Variants in AFDN observed in about 807,000 individuals in gnomAD.
The protein encoded by AFDN is afadin.
A neutral mutation model predicts 216.6 loss-of-function variants in AFDN; 68 were observed. That is an observed-to-expected ratio of 0.31 (90% CI 0.26 to 0.38). The LOEUF (loss-of-function observed/expected upper bound fraction) is 0.38, where lower values mean the gene tolerates loss of function less well. AFDN is among the 10% of genes least tolerant of loss of function. The probability of loss-of-function intolerance (pLI) is 1.00; values close to 1 mark genes in which losing one functional copy is unlikely to be tolerated. For missense variants in AFDN, 2,136 were observed against 2,342.0 expected (o/e 0.91, Z 1.82); for synonymous variants, 868 against 853.7 (o/e 1.02, Z -0.29).
chr6:167,966,318 G>T (rs1172345905), intron 32 of AFDN: 8 of 1,403,030 alleles, frequency 5.7e-6, no homozygotes, highest in Non-Finnish European at 1.9e-6. Context: ...TTAATGATTG[G>T]AACCTCAGCA....
In AFDN at chr6:167,943,491, T is replaced by C; in HGVS notation, c.3239+16T>C. The C allele has an allele frequency of 6.2e-7, 1 of 1,600,208 alleles. No homozygotes were observed. Among genetic ancestry groups the C allele is most frequent in the South Asian group, 1.1e-5 (1 of 90,792 alleles). ...CTCAGGAAAGGTATCATTGATTTAT[T>C]TGCTTGAAGCATAGTATTAGCATTT... On this transcript the variant is annotated intron_variant, in intron 25 of 33. Coordinates refer to ENST00000683244, the MANE Select transcript of AFDN (RefSeq NM_001386888.1).
intron 4 of AFDN, among the ~76,000 whole-genome samples, chr6:167,873,956 A>C (rs561828247): frequency 2.2e-4 from 34 of 152,370 alleles, no homozygotes; most frequent in Admixed American, 2.2e-3. Context: ...TTAGATATGA[A>C]TCTACTAGAC....
intron 23 of AFDN, among the ~76,000 whole-genome samples, chr6:167,942,012 A>G (rs1196490114): frequency 1.3e-5 from 2 of 152,184 alleles, no homozygotes; most frequent in African/African-American, 4.8e-5. Flanking sequence ...TTAAAATGAG[A>G]TATGTAATGG....
chr6:167,830,061 G>A (rs1779655769), intron 1 of AFDN, among the ~76,000 whole-genome samples: 1 of 152,290 alleles, frequency 6.6e-6, no homozygotes, highest in South Asian at 2.1e-4. Flanking sequence ...GGAGATTGAT[G>A]CTAAGCTGAC....
intron 8 of AFDN, among the ~76,000 whole-genome samples, chr6:167,891,408 GGT>G (rs71004178): frequency 0.012 from 858 of 72,082 alleles, 7 homozygotes; most frequent in South Asian, 0.047. Context: ...TAAAGGGGTG[GGT>G]GTGTGTGTGT....
rs1433713981 is a variant in AFDN at position 167,951,074 on chromosome 6, T to A, written c.3832-112T>A. On this transcript the variant is annotated intron_variant, in intron 29 of 33. Coordinates refer to ENST00000683244, the MANE Select transcript of AFDN (RefSeq NM_001386888.1). The surrounding 1 kb of genome is among the most constrained non-coding windows in gnomAD (Gnocchi z 7.1). ...AGCCTTGTAGGGCAGTCTCAGTCTCTTTCTGTACACTGATTTAACAGTTTT... is the reference window on the plus strand; with the variant it reads ...AGCCTTGTAGGGCAGTCTCAGTCTCATTCTGTACACTGATTTAACAGTTTT... 1.4e-6 allele frequency: 2 copies of A among 1,409,436 alleles called. No homozygotes were observed. Among genetic ancestry groups the A allele is most frequent in the African/African-American group, 2.9e-5 (2 of 69,072 alleles). The allele number at this position is 1,409,436 out of a possible 1,614,324, so 87.3% of individuals were successfully genotyped here. A position where few individuals can be genotyped will look rare whatever the true frequency, so the allele number is the denominator to read the frequency against.
intron 1 of AFDN, among the ~76,000 whole-genome samples, chr6:167,836,528 A>C (rs1780455532): frequency 6.6e-6 from 1 of 152,028 alleles, no homozygotes; most frequent in Non-Finnish European, 1.5e-5. Flanking sequence ...TAATATGTGG[A>C]TATATTAAAA....
At chr6:167,904,106 T>G (rs905035986) in intron 12 of AFDN, among the ~76,000 whole-genome samples, 2 of 152,218 alleles carry the variant, frequency 1.3e-5, no homozygotes, top group African/African-American at 2.4e-5. Flanking sequence ...GCATCTTTCC[T>G]AGGTGAGCTT....
Position 167,907,272 on chromosome 6 carries a change from T to C in AFDN, c.1752T>C (p.Tyr584=), listed in dbSNP as rs2128435452. 1 of 1,614,002 alleles carries C rather than the reference T, an allele frequency of 6.2e-7. No individual in the cohort carries two copies. The highest frequency in any genetic ancestry group is 1.7e-4 in the Middle Eastern group (1 of 6,060). The part of the protein sequence containing the change: ...PMIRVEQQPD[Y]RRQESRTQDA... ...TCAGAGTAGAACAGCAGCCAGATTA[T>C]CGCAGGCAAGAAAGCAGGTAGGAAA... is the stretch of plus-strand genomic sequence containing the variant. The change falls in exon 13 of 34, where the codon TAT becomes TAC. Residue 584 remains tyrosine (Y), a synonymous_variant. Coordinates refer to ENST00000683244, the MANE Select transcript of AFDN (RefSeq NM_001386888.1).
chr6:167,926,229 C>CT (rs1346481061), intron 23 of AFDN, among the ~76,000 whole-genome samples: 3 of 152,166 alleles, frequency 2.0e-5, no homozygotes, highest in Non-Finnish European at 4.4e-5. Context: ...CTCAGCTGCT[C>CT]TAATTTGTGA....
intron 11 of AFDN, among the ~76,000 whole-genome samples, chr6:167,901,422 A>G (rs1462190516): frequency 6.6e-6 from 1 of 152,186 alleles, no homozygotes; most frequent in Non-Finnish European, 1.5e-5. Context: ...TTCAATCTTC[A>G]TAATGAGATT....
chr6:167,875,061 T>G (rs940213729), intron 4 of AFDN, among the ~76,000 whole-genome samples: 2 of 152,196 alleles, frequency 1.3e-5, no homozygotes, highest in African/African-American at 4.8e-5. Context: ...AATCAATATA[T>G]TTTTCTTTTA....
chr6:167,960,762 TTC>T (rs1162679675), intron 30 of AFDN, among the ~76,000 whole-genome samples: 1 of 152,178 alleles, frequency 6.6e-6, no homozygotes, highest in Non-Finnish European at 1.5e-5. Context: ...CTGTGGCTGG[TTC>T]TGTCAACTCA....
chr6:167,892,328 T>C (rs1787716049), intron 8 of AFDN, among the ~76,000 whole-genome samples: 1 of 152,228 alleles, frequency 6.6e-6, no homozygotes, highest in Admixed American at 6.5e-5. Context: ...TGTGTGTCTA[T>C]AATGTGTGTG....
intron 8 of AFDN, among the ~76,000 whole-genome samples, chr6:167,891,450 T>TGTGTGTGTGTGTGTGTGG (rs1246107187): frequency 6.7e-6 from 1 of 150,146 alleles, no homozygotes; most frequent in Non-Finnish European, 1.5e-5. Context: ...TGTGTGTGTG[T>TGTGTGTGTGTGTGTGTGG]GGCTGTTGTT....
At chr6:167,901,950 G>A (rs936729632) in intron 11 of AFDN, among the ~76,000 whole-genome samples, 5 of 151,872 alleles carry the variant, frequency 3.3e-5, no homozygotes, top group Admixed American at 6.6e-5. Context: ...ATAATTAGCC[G>A]GGCATGGTGG....
chr6:167,880,641 T>G, intron 6 of AFDN, 124 bp downstream of exon 6: 1 of 936,676 alleles, frequency 1.1e-6, no homozygotes, highest in Middle Eastern at 2.2e-4. Flanking sequence ...AATTTACAAA[T>G]CATGTGCTAA....
At position 167,889,062 on chromosome 6, in the gene AFDN, T is replaced by A. The variant is rs544401616; in HGVS notation, c.898-153T>A. Among the ~76,000 whole-genome samples the A allele has an allele frequency of 2.1e-3, 324 of 152,338 alleles. 2 individuals carry two copies. The highest frequency in any genetic ancestry group is 7.3e-3 in the African/African-American group (305 of 41,574). ...ATAGACTGTTACCTTTCACTTTTATTGATGATTATTTTGATGATGAGTGAG... is the reference window on the plus strand; with the variant it reads ...ATAGACTGTTACCTTTCACTTTTATAGATGATTATTTTGATGATGAGTGAG... On this transcript the variant is annotated intron_variant, in intron 6 of 33. Transcript: ENST00000683244.
intron 3 of AFDN, among the ~76,000 whole-genome samples, chr6:167,870,934 A>G (rs181249592): frequency 6.6e-6 from 1 of 152,324 alleles, no homozygotes; most frequent in Admixed American, 6.5e-5. Flanking sequence ...ACTTTCTTGA[A>G]TGATGGAATA....
Sources: gnomAD v4.1 joint callset for allele counts (sites outside exome capture counted in the v4.1 genomes callset) on GRCh38, gnomAD v4.1.1 for gene constraint, Gnocchi (gnomAD v3.1) non-coding constraint, MANE v1.5 for transcripts, NCBI Gene and HGNC (gene_info 2026-07-23, HGNC 2026-07-21) for gene names.